ELN: variants seen among roughly 807,000 people sequenced by gnomAD.
ELN encodes the protein tropoelastin.
Under a neutral mutation model 105.8 loss-of-function variants are expected in ELN, and 65 were observed. The observed-to-expected ratio is 0.61, with a 90% CI of 0.50 to 0.75. ELN has a LOEUF of 0.75. Among genes scored for constraint, ELN ranks in the 30% least tolerant of loss-of-function variants. The probability of loss-of-function intolerance (pLI) is 0.00; values close to 1 mark genes in which losing one functional copy is unlikely to be tolerated. For synonymous variants in ELN, 368 were observed against 389.2 expected, an observed-to-expected ratio of 0.95 and a Z score of 0.64; for missense variants, 882 against 969.4, an observed-to-expected ratio of 0.91 and a Z score of 1.20.
At chr7:74,032,603 G>T (rs112295165) in intron 1 of ELN, among the ~76,000 whole-genome samples, 1 of 152,172 alleles carries the variant, frequency 6.6e-6, no homozygotes, top group Non-Finnish European at 1.5e-5. Flanking sequence ...TCCCCAGGCC[G>T]TCAGGTTCAG....
Position 74,063,336 on chromosome 7 carries a change from G to T in ELN, c.1885G>T (p.Ala629Ser), listed in dbSNP as rs375527929. The T allele has an allele frequency of 1.3e-6, 2 of 1,550,416 alleles. No homozygotes were observed. Among genetic ancestry groups the T allele is most frequent in the Non-Finnish European group, 1.7e-6 (2 of 1,148,150 alleles). Residue 629 changes from alanine to serine, a missense_variant, in exon 28 of 33, where the codon GCA becomes TCA. Coordinates refer to ENST00000252034, the MANE Select transcript of ELN (RefSeq NM_000501.4). This position sits in a 1 kb window ranked among gnomAD's most constrained non-coding sequence, Gnocchi z 4.1. The stretch of plus-strand genomic sequence containing the variant: ...AGCCGGACCCGCCGCCGCCGCTGCC[G>T]CAGCCAAAGCTGCTGCCAAAGCCGC... The part of the protein sequence containing the change: ...VGAGPAAAAA[A>S]AKAAAKAAQF...
intron 9 of ELN, 26 bp downstream of exon 9, chr7:74,043,946 C>T (rs782743020): frequency 1.9e-6 from 3 of 1,613,880 alleles, no homozygotes; most frequent in Middle Eastern, 1.7e-4. Flanking sequence ...GAAACAGGGA[C>T]TCTATAGGAA....
intron 2 of ELN, 74 bp from the exon 3 acceptor site, chr7:74,036,481 A>G: frequency 1.2e-6 from 2 of 1,601,866 alleles, no homozygotes; most frequent in Non-Finnish European, 1.7e-6. Flanking sequence ...GGATTCAGCC[A>G]TAGCTGGGGG....
rs536262259 is a variant in ELN, at chr7:74,060,606, T to C, written c.1747+105T>C. On this transcript the variant is annotated intron_variant, in intron 25 of 32. Coordinates refer to ENST00000252034, the MANE Select transcript of ELN (RefSeq NM_000501.4). ...CACCCCCTCATCACCCAGGGGTGCA[T>C]AGTAAAATCCTTGTTAGGTTCTCCT... 2.2e-5 allele frequency: 35 copies of C among 1,585,320 alleles called. No individual in the cohort carries two copies. The Middle Eastern group carries it at 6.6e-4, about 30-fold the overall frequency.
chr7:74,047,461 A>C (rs1171568291), intron 12 of ELN, among the ~76,000 whole-genome samples: 1 of 152,120 alleles, frequency 6.6e-6, no homozygotes, highest in Non-Finnish European at 1.5e-5. Flanking sequence ...ATGGGGCTTG[A>C]ATTTGTAGGG....
At chr7:74,053,089 A>G in intron 17 of ELN, 74 bp from the exon 18 acceptor site, 1 of 1,610,240 alleles carries the variant, frequency 6.2e-7, no homozygotes, top group Middle Eastern at 1.7e-4. Flanking sequence ...TGTCACTTCC[A>G]TACTCTACTA....
chr7:74,029,414 C>G (rs901271031), intron 1 of ELN, among the ~76,000 whole-genome samples: 1 of 151,516 alleles, frequency 6.6e-6, no homozygotes, highest in Non-Finnish European at 1.5e-5. Flanking sequence ...CCGCGGCCAA[C>G]GGGGGAGGAC....
intron 31 of ELN, 71 bp from the exon 32 acceptor site, chr7:74,066,661 A>G: frequency 6.6e-7 from 1 of 1,509,718 alleles, no homozygotes; most frequent in African/African-American, 1.4e-5. Context: ...GAGCCAGTGC[A>G]GGCAGAAAGT....
At chr7:74,052,768 CAAA>C in intron 17 of ELN, 1 of 152,266 alleles carries the variant, frequency 6.6e-6, no homozygotes, top group South Asian at 8.4e-5. Flanking sequence ...AAGGAAGAAA[CAAA>C]AGAGAGAAAG....
intron 15 of ELN, among the ~76,000 whole-genome samples, chr7:74,049,399 T>C (rs111064941): frequency 0.46 from 63,555 of 138,752 alleles, 13,783 homozygotes; most frequent in Middle Eastern, 0.61. Context: ...TCCATCCATC[T>C]ATGCACCCAT....
intron 17 of ELN, 93 bp from the exon 18 acceptor site, chr7:74,053,070 A>C: frequency 6.3e-7 from 1 of 1,588,782 alleles, no homozygotes; most frequent in Non-Finnish European, 8.6e-7. Context: ...TCCTGCATTC[A>C]GGACCAACTG....
intron 11 of ELN, 148 bp from the exon 12 acceptor site, chr7:74,046,548 C>A: frequency 2.4e-6 from 2 of 840,154 alleles, no homozygotes; most frequent in Non-Finnish European, 3.9e-6. Flanking sequence ...CTCAACTGAC[C>A]CATGATGGAG....
chr7:74,061,029 T>C, intron 25 of ELN, 72 bp from the exon 26 acceptor site: 5 of 1,590,488 alleles, frequency 3.1e-6, no homozygotes, highest in Non-Finnish European at 4.3e-6. Flanking sequence ...GAGGGCTCTC[T>C]AGAGGAGGCG....
At chr7:74,047,966 C>T (rs998132721) in intron 13 of ELN, among the ~76,000 whole-genome samples, 176 bp from the exon 14 acceptor site, 9 of 152,154 alleles carry the variant, frequency 5.9e-5, no homozygotes, top group Non-Finnish European at 8.8e-5. Flanking sequence ...TCTGTGTTCT[C>T]ATCTGTAAAA....
chr7:74,064,042 G>A (rs1324269383), intron 29 of ELN, among the ~76,000 whole-genome samples: 1 of 151,932 alleles, frequency 6.6e-6, no homozygotes, highest in Non-Finnish European at 1.5e-5. Context: ...GGCAGAGGCT[G>A]CAGTGAGCTG....
chr7:74,040,086 A>G (rs1790838347), intron 4 of ELN, among the ~76,000 whole-genome samples: 1 of 152,132 alleles, frequency 6.6e-6, no homozygotes, highest in Non-Finnish European at 1.5e-5. Context: ...ACATGACAGG[A>G]TGCTCAGGCT....
At chr7:74,045,421 C>A in intron 10 of ELN, 128 bp downstream of exon 10, 1 of 1,036,874 alleles carries the variant, frequency 9.6e-7, no homozygotes, top group Non-Finnish European at 1.4e-6. Flanking sequence ...TATGTTCCAG[C>A]CCTGGGCAGC....
At chr7:74,033,100 A>C (rs560665159) in intron 1 of ELN, among the ~76,000 whole-genome samples, 46 of 152,376 alleles carry the variant, frequency 3.0e-4, no homozygotes, top group Middle Eastern at 3.4e-3. Context: ...ACCTTGCAAC[A>C]ACCAAGTGAT....
rs374353560 is a variant in ELN at position 74,031,797 on chromosome 7, AAGAG to A, written c.82+3544_82+3547del. Among the ~76,000 whole-genome samples, 596 of 148,034 alleles carry A rather than the reference AAGAG, an allele frequency of 4.0e-3. 1 individual carries two copies. Among genetic ancestry groups the A allele is most frequent in the Middle Eastern group, 6.9e-3 (2 of 290 alleles). On this transcript the variant is annotated intron_variant, in intron 1 of 32. Transcript: ENST00000252034. ...ATTTAAAAAGAAAGAAAAAGAAAGAAAGAGAGAGAGAGAGAGAGAAAGGAGAGAG... is the reference window on the plus strand; with the variant it reads ...ATTTAAAAAGAAAGAAAAAGAAAGAAAGAGAGAGAGAGAGAAAGGAGAGAG...
Sources: allele counts gnomAD v4.1 joint callset (sites outside exome capture counted in the v4.1 genomes callset), GRCh38; gene constraint gnomAD v4.1.1; non-coding constraint Gnocchi (gnomAD v3.1); transcripts MANE v1.5; gene names NCBI Gene and HGNC (gene_info 2026-07-23, HGNC 2026-07-21).